The following IGSF10 variants were observed in gnomAD, a reference collection of about 807,000 sequenced individuals.
IGSF10 encodes the protein calvaria mechanical force protein 608.
IGSF10 carries 126 observed loss-of-function variants against 128.2 expected under a neutral mutation model. The ratio of observed to expected loss-of-function variants is 0.98; its 90% CI spans 0.85 to 1.14. The LOEUF is 1.14. IGSF10 is among the 50% of genes most tolerant of loss of function. The pLI, the probability that IGSF10 is intolerant of heterozygous loss-of-function variation, is 0.00. For synonymous variants in IGSF10, 1,185 were observed against 1,146.2 expected (o/e 1.03, Z -0.68); for missense variants, 3,295 against 3,149.8 (o/e 1.05, Z -1.10).
chr3:151,532,464 A>C, the IGSF10 span, among the ~76,000 whole-genome samples: 1 of 152,198 alleles, frequency 6.6e-6, no homozygotes, highest in Non-Finnish European at 1.5e-5. Flanking sequence ...CAGTACATCA[A>C]AAAGCTTATC....
the IGSF10 span, among the ~76,000 whole-genome samples, chr3:151,551,261 TATTTA>T: frequency 1.3e-5 from 2 of 152,172 alleles, no homozygotes; most frequent in African/African-American, 4.8e-5. Flanking sequence ...AGTGGTTTCC[TATTTA>T]ATTTATTATT....
At chr3:151,616,992 C>A in the IGSF10 span, among the ~76,000 whole-genome samples, 1 of 152,128 alleles carries the variant, frequency 6.6e-6, no homozygotes, top group Non-Finnish European at 1.5e-5. Context: ...TGCCTGAAGC[C>A]TTTAGGGCCC....
At chr3:151,592,208 G>A in the IGSF10 span, among the ~76,000 whole-genome samples, 2 of 141,224 alleles carry the variant, frequency 1.4e-5, no homozygotes, top group African/African-American at 5.5e-5. Flanking sequence ...AGTGTTTATT[G>A]TTTTGAGATT....
the IGSF10 span, among the ~76,000 whole-genome samples, chr3:151,567,986 A>G: frequency 6.6e-6 from 1 of 152,156 alleles, no homozygotes; most frequent in African/African-American, 2.4e-5. Context: ...TAAGTGATCA[A>G]AACAAACCCC....
chr3:151,493,223 C>T, the IGSF10 span, among the ~76,000 whole-genome samples: 1,922 of 152,138 alleles, frequency 0.013, 20 homozygotes, highest in Non-Finnish European at 0.019. Context: ...TAATGTACAA[C>T]CTGAGGATTA....
At position 151,445,621 on chromosome 3, in the gene IGSF10, T is replaced by G. The variant is rs1721140428; in HGVS notation, c.4360A>C (p.Lys1454Gln). The G allele has an allele frequency of 1.2e-6, 2 of 1,614,128 alleles. No homozygotes were observed. The highest frequency in any genetic ancestry group is 8.5e-7 in the Non-Finnish European group (1 of 1,180,048). Residue 1454 changes from lysine to glutamine, a missense_variant, in exon 6 of 8, where the codon AAA becomes CAA. By Grantham distance (53) the Lys-to-Gln change is moderately conservative. Transcript: ENST00000282466. Reference sequence around the variant, plus strand: ...ATGGTTGAGTGTCTAATGATTGCTTTCCTAGTTGTGGTACTCTGGTGTGAT... The same window carrying G: ...ATGGTTGAGTGTCTAATGATTGCTTGCCTAGTTGTGGTACTCTGGTGTGAT... ...SKSHQSTTTR[K>Q]AIIRHSTIPP...
chr3:151,461,334 T>A, upstream of IGSF10: 2 of 985,354 alleles, frequency 2.0e-6, no homozygotes, highest in Non-Finnish European at 2.4e-6. Context: ...GCCTTTTGGT[T>A]TAAGGGTTTA....
At chr3:151,613,204 C>A in the IGSF10 span, among the ~76,000 whole-genome samples, 624 of 152,296 alleles carry the variant, frequency 4.1e-3, 6 homozygotes, top group African/African-American at 0.014. Flanking sequence ...ACATTCCATG[C>A]TCATGGGTAG....
the IGSF10 span, among the ~76,000 whole-genome samples, chr3:151,540,761 A>T: frequency 6.6e-5 from 10 of 152,168 alleles, no homozygotes; most frequent in African/African-American, 2.4e-4. Context: ...AGTGTACAAA[A>T]ATTCCAGTTG....
Position 151,447,947 on chromosome 3 carries a change from T to C in IGSF10, c.2034A>G (p.Gly678=), listed in dbSNP as rs531634538. ...RPLEHDGETE[G]SGLDESNPIA... ...TAGGATTGGACTCATCAAGTCCAGATCCCTCTGTTTCTCCATCATGCTCCA... is the reference window on the plus strand; with the variant it reads ...TAGGATTGGACTCATCAAGTCCAGACCCCTCTGTTTCTCCATCATGCTCCA... The change falls in exon 6 of 8, where the codon GGA becomes GGG. Residue 678 remains glycine, a synonymous_variant. Coordinates refer to ENST00000282466, the MANE Select transcript of IGSF10 (RefSeq NM_178822.5). The C allele has an allele frequency of 6.2e-7, 1 of 1,614,106 alleles. No homozygotes were observed. Among genetic ancestry groups the C allele is most frequent in the South Asian group, 1.1e-5 (1 of 91,072 alleles).
chr3:151,534,796 A>AGAGTGT, the IGSF10 span, among the ~76,000 whole-genome samples: 1 of 129,350 alleles, frequency 7.7e-6, no homozygotes, highest in East Asian at 2.6e-4. Flanking sequence ...CAGAATTTAA[A>AGAGTGT]GTGTATGTGT....
chr3:151,463,666 C>T (rs1722172379), upstream of IGSF10, among the ~76,000 whole-genome samples: 1 of 149,216 alleles, frequency 6.7e-6, no homozygotes, highest in Non-Finnish European at 1.5e-5. Context: ...CCTGCCTCAG[C>T]CTCCTGAGTA....
chr3:151,506,759 A>G, the IGSF10 span, among the ~76,000 whole-genome samples: 1 of 152,164 alleles, frequency 6.6e-6, no homozygotes, highest in Non-Finnish European at 1.5e-5. Flanking sequence ...ATGTAAATTT[A>G]TTGCCTAGTT....
At chr3:151,510,823 G>T in the IGSF10 span, among the ~76,000 whole-genome samples, 6 of 152,224 alleles carry the variant, frequency 3.9e-5, no homozygotes, top group East Asian at 1.9e-4. Flanking sequence ...GAATGCACAA[G>T]CCTCAGTAAC....
chr3:151,436,752 G>GT lies in IGSF10; in HGVS notation c.7808dup (p.Tyr2603Ter). 6.2e-7 allele frequency: 1 copy of GT among 1,614,096 alleles called. No individual in the cohort carries two copies. Among genetic ancestry groups the GT allele is most frequent in the Non-Finnish European group, 8.5e-7 (1 of 1,179,994 alleles). The change falls in exon 8 of 8, where the codon TAC (tyrosine) becomes TAAC (stop). Residue 2603 changes from tyrosine (Y) to a stop codon, truncating the protein, a stop_gained and frameshift_variant. Coordinates refer to ENST00000282466, the MANE Select transcript of IGSF10 (RefSeq NM_178822.5). LOFTEE classifies it high-confidence loss of function. ...CAAGTGGGTTCTTTGCTGTGCATTT[G>GT]TATATCCCAGAATCGGAGGTTTGGG... Reference protein sequence around the residue: ...QNPQTSDSGIYKCTAKNPLGS... With the variant: ...QNPQTSDSGI
upstream of IGSF10, among the ~76,000 whole-genome samples, chr3:151,462,591 G>T (rs1673612254): frequency 6.6e-6 from 1 of 152,236 alleles, no homozygotes; most frequent in African/African-American, 2.4e-5. Flanking sequence ...TGGCTTGTGA[G>T]TAGAAAAGCC....
chr3:151,449,950 TTTGGAAA>T (rs1721432698), intron 5 of IGSF10, among the ~76,000 whole-genome samples: 1 of 152,182 alleles, frequency 6.6e-6, no homozygotes, highest in African/African-American at 2.4e-5. Context: ...GTTTTATGAC[TTTGGAAA>T]CTGGATGGTT....
chr3:151,489,329 T>C, the IGSF10 span, among the ~76,000 whole-genome samples: 1 of 152,166 alleles, frequency 6.6e-6, no homozygotes, highest in African/African-American at 2.4e-5. Flanking sequence ...AAACAACAGA[T>C]GCTGGAGAGG....
At chr3:151,525,984 C>T in the IGSF10 span, among the ~76,000 whole-genome samples, 171 of 152,252 alleles carry the variant, frequency 1.1e-3, no homozygotes, top group South Asian at 0.013. Context: ...CACCGGGGAG[C>T]GGGAATCTCA....
Sources: gnomAD v4.1 joint callset for allele counts (sites outside exome capture counted in the v4.1 genomes callset) on GRCh38, gnomAD v4.1.1 for gene constraint, MANE v1.5 for transcripts, NCBI Gene and HGNC (gene_info 2026-07-23, HGNC 2026-07-21) for gene names.